The following KAT6B variants were observed in gnomAD, a reference collection of about 807,000 sequenced individuals.
KAT6B encodes the protein lysine acetyltransferase 6B.
A neutral mutation model predicts 187.5 loss-of-function variants in KAT6B; 10 were observed. That is an observed-to-expected ratio of 0.05 (90% CI 0.03 to 0.09). The LOEUF (loss-of-function observed/expected upper bound fraction) is 0.09. KAT6B is among the 10% of genes least tolerant of loss of function. The pLI is 1.00. For missense variants in KAT6B, 1,952 were observed against 2,558.9 expected (o/e 0.76, Z 5.12); for synonymous variants, 861 against 926.8 (o/e 0.93, Z 1.29).
chr10:74,856,978 A>G (rs1426408371), intron 3 of KAT6B, among the ~76,000 whole-genome samples: 1 of 152,176 alleles, frequency 6.6e-6, no homozygotes, highest in East Asian at 1.9e-4. Context: ...GGAGATAAAT[A>G]ATTTCAGCTT....
intron 3 of KAT6B, among the ~76,000 whole-genome samples, chr10:74,941,344 A>G (rs1369061315): frequency 6.6e-6 from 1 of 152,264 alleles, no homozygotes; most frequent in Non-Finnish European, 1.5e-5. Context: ...TGTCTATGTT[A>G]GAACCAACAT....
At chr10:75,017,671 G>T (rs776838734) in intron 13 of KAT6B, among the ~76,000 whole-genome samples, 1 of 151,982 alleles carries the variant, frequency 6.6e-6, no homozygotes, top group African/African-American at 2.4e-5. Flanking sequence ...TTAAAACATC[G>T]CATGTTATGA....
intron 3 of KAT6B, among the ~76,000 whole-genome samples, chr10:74,851,277 T>G (rs1353492830): frequency 6.6e-6 from 1 of 151,218 alleles, no homozygotes; most frequent in East Asian, 1.9e-4. Flanking sequence ...CCCGGCTAAT[T>G]TTTGTATTTT....
At chr10:75,025,518 T>A in intron 17 of KAT6B, 1 of 401,810 alleles carries the variant, frequency 2.5e-6, no homozygotes, top group Non-Finnish European at 4.6e-6. Context: ...CCCCAAAAAC[T>A]TTGAAGTCTG....
chr10:75,020,998 C>G, intron 14 of KAT6B, 128 bp from the exon 15 acceptor site: 1 of 1,013,086 alleles, frequency 9.9e-7, no homozygotes, highest in East Asian at 2.4e-5. Flanking sequence ...TGTTCTGTAC[C>G]CTCTCATTGA....
At chr10:74,962,849 T>C (rs2133556661) in intron 4 of KAT6B, among the ~76,000 whole-genome samples, 2 of 152,026 alleles carry the variant, frequency 1.3e-5, no homozygotes, top group Middle Eastern at 6.8e-3. Context: ...AGTTTTTTTT[T>C]CTACTAAAAA....
At chr10:74,952,863 T>C (rs1840415440) in intron 3 of KAT6B, among the ~76,000 whole-genome samples, 1 of 143,798 alleles carries the variant, frequency 7.0e-6, no homozygotes, top group Non-Finnish European at 1.5e-5. Context: ...TTTTTTTTTT[T>C]TTTTTTTTGT....
At chr10:74,857,377 C>T (rs1842889673) in intron 3 of KAT6B, among the ~76,000 whole-genome samples, 5 of 152,232 alleles carry the variant, frequency 3.3e-5, no homozygotes, top group African/African-American at 1.2e-4. Flanking sequence ...CTTCCTCCAT[C>T]TTCAAAGCCA....
At chr10:75,003,154 G>A (rs1392077046) in intron 13 of KAT6B, 1 of 152,224 alleles carries the variant, frequency 6.6e-6, no homozygotes, top group Non-Finnish European at 1.5e-5. Context: ...GCATCAGAAA[G>A]AAGATGTCAC....
chr10:74,957,466 T>C (rs921825588), intron 3 of KAT6B, among the ~76,000 whole-genome samples: 2 of 152,230 alleles, frequency 1.3e-5, no homozygotes, highest in Non-Finnish European at 2.9e-5. Context: ...CATGAACTAC[T>C]AGCAACCTTT....
chr10:74,863,406 A>G (rs1204619298), intron 3 of KAT6B, among the ~76,000 whole-genome samples: 1 of 152,226 alleles, frequency 6.6e-6, no homozygotes, highest in Non-Finnish European at 1.5e-5. Flanking sequence ...TTCTGCTATT[A>G]CAAATAATAC....
chr10:74,872,697 T>G (rs1844084625), intron 3 of KAT6B, among the ~76,000 whole-genome samples: 1 of 151,432 alleles, frequency 6.6e-6, no homozygotes, highest in Non-Finnish European at 1.5e-5. Context: ...TTTTTTTTTT[T>G]GTAGAGAGGG....
At chr10:74,936,177 C>G (rs1056189870) in intron 3 of KAT6B, among the ~76,000 whole-genome samples, 2 of 151,872 alleles carry the variant, frequency 1.3e-5, no homozygotes, top group Non-Finnish European at 2.9e-5. Flanking sequence ...CCAAGGCAGG[C>G]GAATCATGAG....
intron 13 of KAT6B, among the ~76,000 whole-genome samples, chr10:75,001,063 CCA>C (rs2133967937): frequency 6.6e-6 from 1 of 152,210 alleles, no homozygotes; most frequent in African/African-American, 2.4e-5. Flanking sequence ...CCCCTGCCCC[CCA>C]CACACATATA....
intron 3 of KAT6B, among the ~76,000 whole-genome samples, chr10:74,848,426 A>G (rs1298311061): frequency 6.6e-6 from 1 of 152,068 alleles, no homozygotes; most frequent in Non-Finnish European, 1.5e-5. Context: ...AATTGTTTGA[A>G]CCTGGGAGGC....
intron 16 of KAT6B, 84 bp from the exon 17 acceptor site, chr10:75,024,874 C>T (rs765187123): frequency 2.8e-5 from 35 of 1,249,730 alleles, no homozygotes; most frequent in Non-Finnish European, 3.6e-5. Context: ...CTCAGACACG[C>T]GTTCAGTACA....
intron 3 of KAT6B, among the ~76,000 whole-genome samples, chr10:74,945,046 CAT>C (rs1231006270): frequency 6.6e-6 from 1 of 152,072 alleles, no homozygotes; most frequent in Non-Finnish European, 1.5e-5. Context: ...TAAATGAAAA[CAT>C]GTACACAAAA....
chr10:74,858,237 G>T (rs1277281180), intron 3 of KAT6B, among the ~76,000 whole-genome samples: 4 of 151,618 alleles, frequency 2.6e-5, no homozygotes, highest in African/African-American at 7.3e-5. Context: ...AATGGATTTG[G>T]CACTAATAGC....
rs972102014 is a variant in KAT6B, at chr10:74,950,966, A to C, written c.622-9004A>C. ...CATCTCTACCAAAAATAAAAAAAAAATTAGCCAGTCTCAAAAGCTTGTCTC... is the reference window on the plus strand; with the variant it reads ...CATCTCTACCAAAAATAAAAAAAAACTTAGCCAGTCTCAAAAGCTTGTCTC... On this transcript the variant is annotated intron_variant, in intron 3 of 17. Transcript: ENST00000287239. 2.0e-5 allele frequency among the ~76,000 whole-genome samples: 3 copies of C among 152,128 alleles called. No individual in the cohort carries two copies. The East Asian group carries it at 5.8e-4, about 29-fold the overall frequency.
Sources: gnomAD v4.1 joint callset for allele counts (sites outside exome capture counted in the v4.1 genomes callset) on GRCh38, gnomAD v4.1.1 for gene constraint, MANE v1.5 for transcripts, NCBI Gene and HGNC (gene_info 2026-07-23, HGNC 2026-07-21) for gene names.